IRAK1BP1: variants seen among roughly 807,000 people sequenced by gnomAD.
The protein encoded by IRAK1BP1 is interleukin-1 receptor-associated kinase 1-binding protein 1.
Under a neutral mutation model 28.0 loss-of-function variants are expected in IRAK1BP1, and 24 were observed. That is an observed-to-expected ratio of 0.86 (90% CI 0.62 to 1.20). The LOEUF is 1.20. IRAK1BP1 is among the 50% of genes most tolerant of loss of function. IRAK1BP1 has a pLI of 0.00. For missense variants in IRAK1BP1, 336 were observed against 316.7 expected (o/e 1.06, Z -0.46); for synonymous variants, 131 against 116.3 (o/e 1.13, Z -0.81).
At chr6:78,870,615 G>T (rs1233402743) in intron 1 of IRAK1BP1, among the ~76,000 whole-genome samples, 1 of 152,114 alleles carries the variant, frequency 6.6e-6, no homozygotes, top group Non-Finnish European at 1.5e-5. Context: ...CTTCTAGCGT[G>T]GTTTTCATTG....
chr6:78,921,432 C>T (rs544620491), intron 4 of IRAK1BP1, among the ~76,000 whole-genome samples: 3 of 152,218 alleles, frequency 2.0e-5, no homozygotes, highest in African/African-American at 4.8e-5. Context: ...CCGGGAAGCT[C>T]GAACTGGGTG....
At chr6:78,916,257 G>T (rs1414946006) in intron 4 of IRAK1BP1, among the ~76,000 whole-genome samples, 1 of 151,958 alleles carries the variant, frequency 6.6e-6, no homozygotes, top group Non-Finnish European at 1.5e-5. Flanking sequence ...TAGATTGCCT[G>T]CTTCTAGACC....
the IRAK1BP1 span, among the ~76,000 whole-genome samples, chr6:78,967,315 A>G: frequency 6.6e-6 from 1 of 152,178 alleles, no homozygotes; most frequent in Non-Finnish European, 1.5e-5. Context: ...GTTTAATAAG[A>G]AGCATTCTTG....
At chr6:78,915,310 G>T (rs376038343) in intron 4 of IRAK1BP1, among the ~76,000 whole-genome samples, 1 of 152,316 alleles carries the variant, frequency 6.6e-6, no homozygotes, top group East Asian at 1.9e-4. Flanking sequence ...TCATCAAGAA[G>T]TTGGAAAATA....
In IRAK1BP1 at chr6:78,885,367, T is replaced by C; in HGVS notation, c.316-11T>C. The C allele has an allele frequency of 1.3e-6, 2 of 1,529,578 alleles. No homozygotes were observed. The highest frequency in any genetic ancestry group is 1.8e-6 in the Non-Finnish European group (2 of 1,112,812). 94.8% of individuals were successfully genotyped at this position (1,529,578 alleles called of 1,614,324 possible). ...TTTAGTAATCATACTCTTGGACTTT[T>C]TCTGTTTCAGGCAGAAAATATAACT... is the stretch of plus-strand genomic sequence containing the variant. On this transcript the variant is annotated splice_polypyrimidine_tract_variant and intron_variant, in intron 1 of 3. Coordinates refer to ENST00000369940, the MANE Select transcript of IRAK1BP1 (RefSeq NM_001010844.4).
At chr6:78,924,985 G>T (rs1348769106) in intron 4 of IRAK1BP1, among the ~76,000 whole-genome samples, 1 of 152,130 alleles carries the variant, frequency 6.6e-6, no homozygotes, top group African/African-American at 2.4e-5. Context: ...ATCCTATGCA[G>T]CCATAAAAAA....
chr6:78,947,579 T>C (rs771538056), downstream of IRAK1BP1: 9 of 972,610 alleles, frequency 9.3e-6, no homozygotes, highest in Non-Finnish European at 1.4e-5. Context: ...AACACACTCC[T>C]CTAACTTAAT....
chr6:78,895,550 T>G (rs576549122), intron 2 of IRAK1BP1, among the ~76,000 whole-genome samples: 2 of 152,304 alleles, frequency 1.3e-5, no homozygotes, highest in African/African-American at 4.8e-5. Flanking sequence ...AGAATAATAT[T>G]AATACATAAT....
intron 4 of IRAK1BP1, among the ~76,000 whole-genome samples, chr6:78,920,472 C>T (rs1279042003): frequency 1.3e-5 from 2 of 152,112 alleles, no homozygotes; most frequent in African/African-American, 4.8e-5. Context: ...AGAAATAATG[C>T]CACACACCTA....
intron 2 of IRAK1BP1, among the ~76,000 whole-genome samples, chr6:78,890,619 A>G (rs998218307): frequency 6.6e-6 from 1 of 152,212 alleles, no homozygotes; most frequent in Admixed American, 6.5e-5. Context: ...AAGGACTCCA[A>G]AAGTTCTAGA....
chr6:78,937,778 G>A (rs1773330076), intron 4 of IRAK1BP1: 1 of 151,684 alleles, frequency 6.6e-6, no homozygotes, highest in South Asian at 2.1e-4. Context: ...TATTGCCCAG[G>A]GCTGTGAGTC....
intron 4 of IRAK1BP1, among the ~76,000 whole-genome samples, chr6:78,920,299 A>G (rs191938217): frequency 6.6e-6 from 1 of 152,274 alleles, no homozygotes; most frequent in East Asian, 1.9e-4. Context: ...CTAAACTCAT[A>G]TGGAACCAAA....
chr6:78,941,162 A>G (rs976305253), intron 4 of IRAK1BP1: 2 of 1,613,894 alleles, frequency 1.2e-6, no homozygotes, highest in Admixed American at 3.3e-5. Flanking sequence ...TGCATACTGT[A>G]GCTTTTTGGG....
intron 4 of IRAK1BP1, among the ~76,000 whole-genome samples, chr6:78,928,623 T>C (rs1375798304): frequency 1.3e-5 from 2 of 152,168 alleles, no homozygotes; most frequent in Non-Finnish European, 2.9e-5. Context: ...TTTCAGTTTT[T>C]CCCCACTCAG....
chr6:78,885,448 G>GGACT lies in IRAK1BP1; in HGVS notation c.381+5_381+6insGACT, dbSNP rs1771387381. ...GCTTATCACATGGAAGCAGAGGTAT[G>GGACT]TACTTAACAAATAATTGGAAGCAGC... On this transcript the variant is annotated splice_donor_region_variant and intron_variant, in intron 2 of 3. Transcript: ENST00000369940. 1 of 1,159,824 alleles carries GGACT rather than the reference G, an allele frequency of 8.6e-7. No homozygotes were observed. Among genetic ancestry groups the GGACT allele is most frequent in the South Asian group, 1.4e-5 (1 of 69,314 alleles). 71.8% of individuals were successfully genotyped at this position (1,159,824 alleles called of 1,614,324 possible).
chr6:78,924,155 A>G (rs1208657111), intron 4 of IRAK1BP1, among the ~76,000 whole-genome samples: 1 of 152,152 alleles, frequency 6.6e-6, no homozygotes, highest in Non-Finnish European at 1.5e-5. Flanking sequence ...AGATCAACAA[A>G]ATTGATAGAC....
intron 4 of IRAK1BP1, among the ~76,000 whole-genome samples, chr6:78,941,797 T>C (rs1562110513): frequency 1.3e-5 from 2 of 152,166 alleles, no homozygotes; most frequent in East Asian, 1.9e-4. Flanking sequence ...TGATTATATA[T>C]ATATATCAAT....
At chr6:78,940,537 C>CT (rs1248897677) in intron 4 of IRAK1BP1, 1 of 163,112 alleles carries the variant, frequency 6.1e-6, no homozygotes, top group Non-Finnish European at 1.2e-5. Context: ...AGTGAAGTGT[C>CT]TCGTAAGTTT....
At chr6:78,909,795 A>G (rs1171855982) in intron 4 of IRAK1BP1, among the ~76,000 whole-genome samples, 2 of 152,254 alleles carry the variant, frequency 1.3e-5, no homozygotes, top group African/African-American at 4.8e-5. Flanking sequence ...TATTTATAGC[A>G]GGAGACATTT....
Sources: allele counts gnomAD v4.1 joint callset (sites outside exome capture counted in the v4.1 genomes callset), GRCh38; gene constraint gnomAD v4.1.1; transcripts MANE v1.5; gene names NCBI Gene and HGNC (gene_info 2026-07-23, HGNC 2026-07-21).